Variants in AGO3 observed in about 807,000 individuals in gnomAD.
The protein encoded by AGO3 is argonaute RISC catalytic component 3.
In AGO3, 16 loss-of-function variants were observed where a neutral mutation model predicts 105.5. The ratio of observed to expected loss-of-function variants is 0.15; its 90% CI spans 0.10 to 0.23. AGO3 has a LOEUF of 0.23. AGO3 is among the 10% of genes least tolerant of loss of function. The probability of loss-of-function intolerance (pLI) is 1.00; values close to 1 mark genes in which losing one functional copy is unlikely to be tolerated. For synonymous variants in AGO3, 340 were observed against 367.3 expected (o/e 0.93, Z 0.85); for missense variants, 534 against 1,088.0 (o/e 0.49, Z 7.16).
At chr1:35,973,330 T>G (rs1185755176) in intron 4 of AGO3, 45 bp from the exon 5 acceptor site, 1 of 1,405,638 alleles carries the variant, frequency 7.1e-7, no homozygotes, top group Admixed American at 2.4e-5. Context: ...TTTAAATACT[T>G]GCATGAGAAG....
intron 17 of AGO3, among the ~76,000 whole-genome samples, chr1:36,049,495 C>T (rs998987421): frequency 2.7e-5 from 4 of 149,872 alleles, no homozygotes; most frequent in South Asian, 2.1e-4. Flanking sequence ...TCCAACCTGG[C>T]GACAGAGCAA....
At chr1:36,039,609 G>A (rs1265424835) in intron 14 of AGO3, among the ~76,000 whole-genome samples, 181 bp from the exon 15 acceptor site, 9 of 151,646 alleles carry the variant, frequency 5.9e-5, no homozygotes, top group African/African-American at 2.2e-4. Context: ...AGCTTCCTGA[G>A]TAGCTGGGAC....
chr1:36,041,817 T>TA (rs1255969814), intron 16 of AGO3, among the ~76,000 whole-genome samples: 3 of 152,166 alleles, frequency 2.0e-5, no homozygotes, highest in Non-Finnish European at 4.4e-5. Flanking sequence ...ATATCTACCT[T>TA]ATTTGGGTTG....
upstream of AGO3, chr1:35,930,891 C>T (rs370352007): frequency 8.9e-5 from 22 of 247,228 alleles, no homozygotes; most frequent in East Asian, 1.5e-3. Context: ...AGTCCTGCCC[C>T]TCCGCGTTGT....
chr1:36,022,144 C>T (rs763076062), intron 11 of AGO3, among the ~76,000 whole-genome samples: 9 of 145,540 alleles, frequency 6.2e-5, no homozygotes, highest in Non-Finnish European at 1.2e-4. Context: ...TGGCTCACTG[C>T]GCCTCAGCCT....
intron 12 of AGO3, among the ~76,000 whole-genome samples, chr1:36,029,327 A>G (rs1270548324): frequency 6.6e-6 from 1 of 152,082 alleles, no homozygotes; most frequent in Non-Finnish European, 1.5e-5. Flanking sequence ...AATAGAAGAA[A>G]TCACAAAAGA....
chr1:35,999,872 T>C (rs1272671211), intron 5 of AGO3, among the ~76,000 whole-genome samples: 1 of 152,108 alleles, frequency 6.6e-6, no homozygotes, highest in Non-Finnish European at 1.5e-5. Context: ...CTATGCTAGC[T>C]AGAACTTCCT....
At chr1:35,979,213 A>G (rs1171923547) in intron 5 of AGO3, among the ~76,000 whole-genome samples, 1 of 152,106 alleles carries the variant, frequency 6.6e-6, no homozygotes, top group East Asian at 1.9e-4. Flanking sequence ...AAATACAAAA[A>G]ATTAGCCGGG....
intron 13 of AGO3, 122 bp from the exon 14 acceptor site, chr1:36,036,055 T>C: frequency 2.6e-6 from 2 of 764,462 alleles, no homozygotes; most frequent in Non-Finnish European, 4.0e-6. Context: ...AAAAAAAAAT[T>C]TGGATTACAT....
At chr1:36,036,108 A>G (rs1334482163) in intron 13 of AGO3, 69 bp from the exon 14 acceptor site, 15 of 1,446,370 alleles carry the variant, frequency 1.0e-5, no homozygotes, top group African/African-American at 2.8e-5. Context: ...TTACGTTGCA[A>G]TTGTGTGAAA....
chr1:36,052,087 A>G (rs1277763679), intron 17 of AGO3, among the ~76,000 whole-genome samples: 1 of 152,202 alleles, frequency 6.6e-6, no homozygotes, highest in African/African-American at 2.4e-5. Context: ...AGGAAAGGAA[A>G]CAGTGTGTCA....
chr1:35,997,889 G>A (rs1047362377), intron 5 of AGO3, among the ~76,000 whole-genome samples: 4 of 152,042 alleles, frequency 2.6e-5, no homozygotes, highest in African/African-American at 9.7e-5. Flanking sequence ...TAGAGACAGG[G>A]TTTCACCATG....
At chr1:36,000,595 T>G (rs1201563626) in intron 5 of AGO3, among the ~76,000 whole-genome samples, 2 of 152,074 alleles carry the variant, frequency 1.3e-5, no homozygotes, top group African/African-American at 2.4e-5. Flanking sequence ...AAAGGCAAAA[T>G]AAGCATATTA....
chr1:36,045,715 A>G (rs1022632855), intron 17 of AGO3, among the ~76,000 whole-genome samples: 1 of 149,832 alleles, frequency 6.7e-6, no homozygotes, highest in Admixed American at 6.7e-5. Flanking sequence ...GCTAATTTTT[A>G]TATTTTTAGT....
intron 10 of AGO3, 36 bp downstream of exon 10, chr1:36,013,788 A>T (rs1175151915): frequency 1.2e-6 from 2 of 1,608,266 alleles, no homozygotes; most frequent in African/African-American, 2.7e-5. Context: ...TCATACACAT[A>T]TTGTCTGTAA....
intron 2 of AGO3, among the ~76,000 whole-genome samples, chr1:35,947,261 A>G (rs1414685386): frequency 1.3e-5 from 2 of 151,158 alleles, no homozygotes; most frequent in Non-Finnish European, 3.0e-5. Context: ...TTTTTTTTTT[A>G]ACATGTTATC....
chr1:36,050,768 G>C (rs1642681525), intron 17 of AGO3, among the ~76,000 whole-genome samples: 1 of 150,648 alleles, frequency 6.6e-6, no homozygotes, highest in African/African-American at 2.5e-5. Context: ...CTCCAGCCTG[G>C]GTGACTGAGT....
At chr1:36,012,556 T>C (rs954600079) in intron 9 of AGO3, among the ~76,000 whole-genome samples, 5 of 152,066 alleles carry the variant, frequency 3.3e-5, no homozygotes, top group Admixed American at 3.3e-4. Context: ...AATTTTATAA[T>C]ATGGCACTGA....
intron 5 of AGO3, chr1:36,004,017 C>T (rs1474136359): frequency 1.1e-5 from 2 of 181,124 alleles, no homozygotes; most frequent in African/African-American, 4.7e-5. Context: ...AGAAATAATA[C>T]CTAACCATCT....
Sources: gnomAD v4.1 joint callset for allele counts (sites outside exome capture counted in the v4.1 genomes callset) on GRCh38, gnomAD v4.1.1 for gene constraint, MANE v1.5 for transcripts, NCBI Gene and HGNC (gene_info 2026-07-23, HGNC 2026-07-21) for gene names.